The following FN1 variants were observed in gnomAD, a reference collection of about 807,000 sequenced individuals.
The protein encoded by FN1 is fibronectin 1.
A neutral mutation model predicts 297.3 loss-of-function variants in FN1; 106 were observed. That is an observed-to-expected ratio of 0.36 (90% confidence interval 0.30 to 0.42). FN1 has a LOEUF of 0.42. Among genes scored for constraint, FN1 ranks in the 10% least tolerant of loss-of-function variants. The pLI is 1.00. For synonymous variants in FN1, 1,149 were observed against 1,152.6 expected, an observed-to-expected ratio of 1.00 and a Z score of 0.06; for missense variants, 2,690 against 3,124.9, an observed-to-expected ratio of 0.86 and a Z score of 3.32.
At chr2:215,371,143 C>T (rs559052702) in intron 40 of FN1, among the ~76,000 whole-genome samples, 1 of 152,128 alleles carries the variant, frequency 6.6e-6, no homozygotes, top group African/African-American at 2.4e-5. Context: ...TGGCACATGC[C>T]TGTAATCCCA....
In FN1 at chr2:215,394,539, G is replaced by C; in HGVS notation, c.3785C>G (p.Thr1262Ser). ...DDKESVPISD[T>S]IIPEVPQLTD... ...TATTTTTCTATTACCTGGGATGATG[G>C]TATCAGAGATAGGGACACTTTCCTT... Residue 1262 changes from threonine (T) to serine (S), a missense_variant, in exon 24 of 46, where the codon ACC (threonine) becomes AGC (serine). Thr to Ser is a moderately conservative substitution (Grantham distance 58). Transcript: ENST00000354785. 6.2e-7 allele frequency: 1 copy of C among 1,612,760 alleles called. No homozygotes were observed. The highest frequency in any genetic ancestry group is 2.2e-5 in the East Asian group (1 of 44,880).
chr2:215,425,414 G>GA (rs2106452419), intron 6 of FN1, 129 bp from the exon 7 acceptor site: 3 of 908,144 alleles, frequency 3.3e-6, no homozygotes, highest in East Asian at 2.5e-5. Flanking sequence ...CCTGGGACTG[G>GA]AAAAAAATGT....
At chr2:215,374,237 CTCA>C (rs1253632117) in intron 38 of FN1, among the ~76,000 whole-genome samples, 1 of 107,984 alleles carries the variant, frequency 9.3e-6, no homozygotes, top group Non-Finnish European at 2.4e-5. Flanking sequence ...TTCAATTCCT[CTCA>C]TGTCTGCTTC....
chr2:215,423,464 T>C lies in FN1; in HGVS notation c.1279A>G (p.Asn427Asp). ...GALCHFPFLY[N>D]NHNYTDCTSE... is the part of the protein sequence containing the mutation. ...GTGCAATCAGTGTAATTGTGGTTGT[T>C]GTATAGGAAGGGGAAGTGGCACAAG... Residue 427 changes from asparagine to aspartate, a missense_variant, in exon 9 of 46, where the codon AAC becomes GAC. Coordinates refer to ENST00000354785, the MANE Select transcript of FN1 (RefSeq NM_212482.4). 1 of 1,614,202 alleles carries C rather than the reference T, an allele frequency of 6.2e-7. No individual in the cohort carries two copies. Among genetic ancestry groups the C allele is most frequent in the Non-Finnish European group, 8.5e-7 (1 of 1,180,026 alleles).
intron 8 of FN1, 148 bp downstream of exon 8, chr2:215,423,998 G>T (rs920417827): frequency 2.5e-6 from 2 of 789,224 alleles, no homozygotes; most frequent in African/African-American, 1.7e-5. Context: ...CAGCTGTTAC[G>T]TGAGCGCTGC....
At position 215,377,077 on chromosome 2, in the gene FN1, AGAGAGT is replaced by A. The variant is rs752511920; in HGVS notation, c.5711-409_5711-404del. On this transcript the variant is annotated intron_variant, in intron 35 of 45. Transcript: ENST00000354785. Reference sequence around the variant, plus strand: ...GTGTGTATGTGTGTGTGAGAGAGAGAGAGAGTGTGTGTGTGTGTGTGTGTGTGTGTG... The same window carrying A: ...GTGTGTATGTGTGTGTGAGAGAGAGAGTGTGTGTGTGTGTGTGTGTGTGTG... 8.4e-3 allele frequency among the ~76,000 whole-genome samples: 645 copies of A among 77,038 alleles called. 1 individual carries two copies. Among genetic ancestry groups the A allele is most frequent in the Non-Finnish European group, 9.1e-3 (275 of 30,122 alleles). 50.5% of individuals were successfully genotyped at this position (77,038 alleles called of 152,430 possible).
intron 19 of FN1, among the ~76,000 whole-genome samples, chr2:215,405,482 G>A (rs1167878210): frequency 2.0e-5 from 3 of 152,092 alleles, no homozygotes; most frequent in African/African-American, 7.2e-5. Context: ...GATGGCTCAC[G>A]CCTGTAATCC....
intron 25 of FN1, chr2:215,392,029 C>G (rs921288343): frequency 6.6e-5 from 36 of 542,422 alleles, no homozygotes; most frequent in African/African-American, 6.5e-4. Flanking sequence ...AACCTTTTTG[C>G]CATCATTGAT....
chr2:215,364,263 G>A (rs1446157465), intron 44 of FN1: 1 of 175,798 alleles, frequency 5.7e-6, no homozygotes, highest in East Asian at 1.4e-4. Context: ...TCTGAATCAA[G>A]AGAGAGGTTA....
chr2:215,402,123 A>G (rs1170783021), intron 20 of FN1, among the ~76,000 whole-genome samples: 1 of 152,224 alleles, frequency 6.6e-6, no homozygotes, highest in Non-Finnish European at 1.5e-5. Flanking sequence ...ACATCTGTGA[A>G]AACCACAACT....
rs1233662636 is a variant in FN1 at position 215,433,415 on chromosome 2, C to T, written c.324G>A (p.Val108=). The change falls in exon 3 of 46, where the codon GTG becomes GTA. Residue 108 remains valine (V), a synonymous_variant. Coordinates refer to ENST00000354785, the MANE Select transcript of FN1 (RefSeq NM_212482.4). ...FDKYTGNTYR[V]GDTYERPKDS... ...CTTTAGGACGCTCATAAGTGTCACC[C>T]ACTCGGTAAGTGTTCCCAGTGTACT... 6.2e-7 allele frequency: 1 copy of T among 1,614,192 alleles called. No individual in the cohort carries two copies. The highest frequency in any genetic ancestry group is 1.7e-5 in the Admixed American group (1 of 60,024).
intron 6 of FN1, 21 bp from the exon 7 acceptor site, chr2:215,425,306 T>C (rs747547414): frequency 3.1e-6 from 5 of 1,612,770 alleles, no homozygotes; most frequent in Non-Finnish European, 4.2e-6. Context: ...GAAAAGGGAA[T>C]GTCACAAAAC....
At chr2:215,365,818 T>A (rs913135712) in intron 42 of FN1, 188 bp from the exon 43 acceptor site, 18 of 286,478 alleles carry the variant, frequency 6.3e-5, no homozygotes, top group Non-Finnish European at 8.1e-5. Flanking sequence ...TTTTTTTTTT[T>A]TTTTTGAGAC....
intron 43 of FN1, among the ~76,000 whole-genome samples, chr2:215,365,300 T>G (rs1294605015): frequency 2.0e-5 from 3 of 152,098 alleles, no homozygotes; most frequent in Non-Finnish European, 4.4e-5. Flanking sequence ...GTTGGACAAG[T>G]GCTAAAGTGT....
At chr2:215,425,531 CTT>C (rs1176527585) in intron 6 of FN1, among the ~76,000 whole-genome samples, 1 of 152,094 alleles carries the variant, frequency 6.6e-6, no homozygotes, top group East Asian at 1.9e-4. Flanking sequence ...GATTATATTT[CTT>C]TTTGTTTGTT....
chr2:215,367,576 C>A lies in FN1; in HGVS notation c.7018+287G>T, dbSNP rs1250213. On this transcript the variant is annotated intron_variant, in intron 42 of 45. Coordinates refer to ENST00000354785, the MANE Select transcript of FN1 (RefSeq NM_212482.4). Reference sequence around the variant, plus strand: ...AGACCTGGTTCCAAAAGTCTTTATCCATTTGTTTTCACAGAAAATTTCAAA... The same window carrying A: ...AGACCTGGTTCCAAAAGTCTTTATCAATTTGTTTTCACAGAAAATTTCAAA... 308,546 of 426,504 alleles carry A rather than the reference C, an allele frequency of 0.72. 113,532 individuals are homozygous for A. Among genetic ancestry groups the A allele is most frequent in the East Asian group, 1 (19,585 of 19,606 alleles). The allele number at this position is 426,504 out of a possible 1,614,324, so 26.4% of individuals were successfully genotyped here.
In FN1 at chr2:215,410,130, AACACACACAC is replaced by A; in HGVS notation, c.1942-26_1942-17del. The A allele has an allele frequency of 7.0e-7, 1 of 1,422,960 alleles. No homozygotes were observed. The highest frequency in any genetic ancestry group is 9.7e-7 in the Non-Finnish European group (1 of 1,035,490). The allele number at this position is 1,422,960 out of a possible 1,614,324, so 88.1% of individuals were successfully genotyped here. A position where few individuals can be genotyped will look rare whatever the true frequency, so the allele number is the denominator to read the frequency against. On this transcript the variant is annotated splice_polypyrimidine_tract_variant and intron_variant, in intron 13 of 45. Coordinates refer to ENST00000354785, the MANE Select transcript of FN1 (RefSeq NM_212482.4). ...CAGAATTTTTCTGAAAATTTAAATT[AACACACACAC>A]ACACACACACACGTGTTTACAAGGA...
Position 215,433,395 on chromosome 2 carries a change from G to A in FN1, c.344C>T (p.Pro115Leu). 6.2e-7 allele frequency: 1 copy of A among 1,614,116 alleles called. No individual in the cohort carries two copies. The highest frequency in any genetic ancestry group is 1.6e-4 in the Middle Eastern group (1 of 6,062). Residue 115 changes from proline to leucine, a missense_variant, in exon 3 of 46, where the codon CCT becomes CTT. Pro to Leu is a moderately conservative substitution (Grantham distance 98). Transcript: ENST00000354785. ...ACAGTCCCAGATCATGGAGTCTTTA[G>A]GACGCTCATAAGTGTCACCCACTCG... ...TYRVGDTYERPKDSMIWDCTC... is the reference protein window; with the variant it reads ...TYRVGDTYERLKDSMIWDCTC...
intron 32 of FN1, chr2:215,381,374 G>T (rs764686591): frequency 2.3e-6 from 1 of 440,878 alleles, no homozygotes; most frequent in Non-Finnish European, 4.2e-6. Flanking sequence ...ACCACGATTT[G>T]ATTTTTACAA....
Sources: gnomAD v4.1 joint callset for allele counts (sites outside exome capture counted in the v4.1 genomes callset) on GRCh38, gnomAD v4.1.1 for gene constraint, MANE v1.5 for transcripts, NCBI Gene and HGNC (gene_info 2026-07-23, HGNC 2026-07-21) for gene names.